The following TPRG1 variants were observed in gnomAD, a reference collection of about 807,000 sequenced individuals.
TPRG1 encodes the protein tumor protein p63 regulated 1.
In TPRG1, 29 loss-of-function variants were observed where a neutral mutation model predicts 29.3. That is an observed-to-expected ratio of 0.99 (90% CI 0.74 to 1.35). TPRG1 has a LOEUF of 1.35. Among genes scored for constraint, TPRG1 ranks in the 40% most tolerant of loss-of-function variants. TPRG1 has a pLI of 0.00. For synonymous variants in TPRG1, 130 were observed against 116.8 expected (o/e 1.11, Z -0.73); for missense variants, 327 against 335.0 (o/e 0.98, Z 0.19).
chr3:189,144,882 A>T (rs1290016995), intron 3 of TPRG1, among the ~76,000 whole-genome samples: 1 of 152,228 alleles, frequency 6.6e-6, no homozygotes, highest in Non-Finnish European at 1.5e-5. Context: ...AGCAGGTGAA[A>T]TATAGGCAGG....
At chr3:189,081,408 CAGAA>C (rs1717585839) in intron 4 of TPRG1, among the ~76,000 whole-genome samples, 2 of 151,940 alleles carry the variant, frequency 1.3e-5, no homozygotes, top group Admixed American at 1.3e-4. Flanking sequence ...AGTTTCAAGA[CAGAA>C]AGTGAAAAGG....
intron 3 of TPRG1, among the ~76,000 whole-genome samples, chr3:189,018,832 T>C (rs948978570): frequency 6.7e-6 from 1 of 148,584 alleles, no homozygotes; most frequent in African/African-American, 2.5e-5. Context: ...AGTATGGCCA[T>C]TTTCATGATA....
At chr3:189,098,779 T>G (rs1578346254), upstream of TPRG1, among the ~76,000 whole-genome samples, 1 of 152,210 alleles carries the variant, frequency 6.6e-6, no homozygotes, top group African/African-American at 2.4e-5. Context: ...TTCACCATCA[T>G]TGCCTTTGAC....
chr3:189,150,374 G>A (rs1344156631), intron 4 of TPRG1, among the ~76,000 whole-genome samples: 3 of 152,122 alleles, frequency 2.0e-5, no homozygotes, highest in Non-Finnish European at 2.9e-5. Flanking sequence ...GTAGAGGCGG[G>A]GTTTTACCAT....
At chr3:189,123,732 A>G (rs919398392) in intron 1 of TPRG1, 1 of 152,202 alleles carries the variant, frequency 6.6e-6, no homozygotes, top group Admixed American at 6.5e-5. Flanking sequence ...CTGGCACTCT[A>G]TCAAGTCTCT....
In TPRG1 at chr3:189,094,272, T is replaced by C. The variant is rs138113651; in HGVS notation, c.-462-32785T>C. Reference sequence around the variant, plus strand: ...CACTCAGCCTGAGTAAGTGGAGTACTGAACAGACATTGTGAAGGAGGCAAC... The same window carrying C: ...CACTCAGCCTGAGTAAGTGGAGTACCGAACAGACATTGTGAAGGAGGCAAC... On this transcript the variant is annotated intron_variant, in intron 4 of 10. Coordinates refer to the TPRG1 transcript ENST00000433971. 2.2e-3 allele frequency among the ~76,000 whole-genome samples: 342 copies of C among 152,292 alleles called. 3 individuals carry two copies. Among genetic ancestry groups the C allele is most frequent in the Admixed American group, 6.0e-3 (92 of 15,306 alleles).
chr3:189,227,989 C>T (rs988379089), intron 3 of TPRG1, among the ~76,000 whole-genome samples: 5 of 151,930 alleles, frequency 3.3e-5, no homozygotes, highest in Non-Finnish European at 5.9e-5. Flanking sequence ...GGTGTGGTGG[C>T]GGGCGCCTGT....
chr3:189,194,201 T>C (rs1343197320), intron 1 of TPRG1, among the ~76,000 whole-genome samples: 3 of 152,078 alleles, frequency 2.0e-5, no homozygotes, highest in Admixed American at 1.3e-4. Context: ...GTAGTAAGTG[T>C]GGGCACCTCA....
chr3:189,262,402 G>A (rs771136009), intron 4 of TPRG1, among the ~76,000 whole-genome samples: 31 of 152,144 alleles, frequency 2.0e-4, no homozygotes, highest in Non-Finnish European at 3.8e-4. Flanking sequence ...GTGCCTGAGA[G>A]GCTATGGGAA....
At chr3:189,222,538 C>T (rs1235822097) in intron 3 of TPRG1, among the ~76,000 whole-genome samples, 2 of 152,182 alleles carry the variant, frequency 1.3e-5, no homozygotes, top group African/African-American at 4.8e-5. Flanking sequence ...CACCTGGGAG[C>T]TTGTTAGCAA....
At chr3:189,251,561 G>A (rs1351563235) in intron 4 of TPRG1, among the ~76,000 whole-genome samples, 1 of 152,172 alleles carries the variant, frequency 6.6e-6, no homozygotes, top group Non-Finnish European at 1.5e-5. Flanking sequence ...ATTTTTGGGT[G>A]TTTCTTAGAG....
chr3:189,295,565 G>A (rs908647677), intron 4 of TPRG1, among the ~76,000 whole-genome samples: 2 of 147,214 alleles, frequency 1.4e-5, no homozygotes, highest in Non-Finnish European at 3.0e-5. Context: ...TGAAGGAGTC[G>A]CTTTAATATT....
chr3:189,021,594 G>T (rs1209031115), intron 3 of TPRG1, among the ~76,000 whole-genome samples: 1 of 152,176 alleles, frequency 6.6e-6, no homozygotes, highest in African/African-American at 2.4e-5. Context: ...TTTCTGCCGA[G>T]AGATCTGCTG....
chr3:189,293,970 T>C (rs1472052415), intron 4 of TPRG1, among the ~76,000 whole-genome samples: 1 of 152,250 alleles, frequency 6.6e-6, no homozygotes, highest in African/African-American at 2.4e-5. Context: ...CAATATCTTC[T>C]ACTACCTGTC....
At chr3:189,012,851 C>A (rs1712676130) in intron 3 of TPRG1, among the ~76,000 whole-genome samples, 1 of 151,994 alleles carries the variant, frequency 6.6e-6, no homozygotes, top group South Asian at 2.1e-4. Flanking sequence ...TCCCCCTTAT[C>A]ATTTCTGATT....
intron 5 of TPRG1, among the ~76,000 whole-genome samples, chr3:189,155,651 G>A (rs1228717309): frequency 6.6e-6 from 1 of 152,168 alleles, no homozygotes; most frequent in East Asian, 1.9e-4. Flanking sequence ...ATGTTATTGA[G>A]CTTTAAAAAA....
chr3:189,126,729 A>T (rs1021014605), intron 1 of TPRG1, among the ~76,000 whole-genome samples: 1 of 152,248 alleles, frequency 6.6e-6, no homozygotes, highest in African/African-American at 2.4e-5. Flanking sequence ...ATTTATGAGG[A>T]CATCAGAAGG....
In TPRG1 at chr3:189,249,136, A is replaced by G. The variant is rs569434278; in HGVS notation, c.479+10227A>G. On this transcript the variant is annotated intron_variant, in intron 4 of 5. Coordinates refer to ENST00000345063, the MANE Select transcript of TPRG1 (RefSeq NM_198485.4). ...AGTAATAAATGTTTTATATATATATATAGCTACATTTAGTTATATACATGT... is the reference window on the plus strand; with the variant it reads ...AGTAATAAATGTTTTATATATATATGTAGCTACATTTAGTTATATACATGT... 4.6e-5 allele frequency among the ~76,000 whole-genome samples: 7 copies of G among 151,652 alleles called. No homozygotes were observed. In the South Asian group the frequency reaches 1.3e-3, roughly 27 times the overall value.
intron 3 of TPRG1, among the ~76,000 whole-genome samples, chr3:189,013,781 C>T (rs1375400288): frequency 6.6e-6 from 1 of 152,064 alleles, no homozygotes; most frequent in Non-Finnish European, 1.5e-5. Context: ...ATATATTGCC[C>T]TTCTTTGTCT....
Sources: allele counts gnomAD v4.1 joint callset (sites outside exome capture counted in the v4.1 genomes callset), GRCh38; gene constraint gnomAD v4.1.1; transcripts MANE v1.5; gene names NCBI Gene and HGNC (gene_info 2026-07-23, HGNC 2026-07-21).